The following ATAD1 variants were observed in gnomAD, a reference collection of about 807,000 sequenced individuals.
The protein encoded by ATAD1 is ATPase family AAA domain containing 1.
A neutral mutation model predicts 42.7 loss-of-function variants in ATAD1; 18 were observed. The observed-to-expected ratio is 0.42, with a 90% confidence interval of 0.29 to 0.63. The LOEUF is 0.63. Ranked by LOEUF, ATAD1 falls within the 20% of genes least tolerant of loss-of-function variation. The pLI, the probability that ATAD1 is intolerant of heterozygous loss-of-function variation, is 0.19. For missense variants in ATAD1, 294 were observed against 440.4 expected (o/e 0.67, Z 2.98); for synonymous variants, 132 against 143.1 (o/e 0.92, Z 0.55).
At chr10:87,807,965 T>C (rs1857000586) in intron 2 of ATAD1, among the ~76,000 whole-genome samples, 1 of 152,206 alleles carries the variant, frequency 6.6e-6, no homozygotes, top group Admixed American at 6.5e-5. Flanking sequence ...AAACTTTCAA[T>C]AGTTTTATAA....
chr10:87,805,772 CT>C (rs1040624779), intron 2 of ATAD1, among the ~76,000 whole-genome samples: 86 of 148,902 alleles, frequency 5.8e-4, no homozygotes, highest in African/African-American at 1.7e-3. Flanking sequence ...AACCTTCTCC[CT>C]TTTTTTTTTC....
chr10:87,802,606 G>A (rs1317471925), intron 2 of ATAD1, among the ~76,000 whole-genome samples: 2 of 149,338 alleles, frequency 1.3e-5, no homozygotes, highest in African/African-American at 2.5e-5. Context: ...TCCCGCCACC[G>A]CACTCCAGCC....
chr10:87,811,112 C>T (rs771130169), intron 2 of ATAD1, among the ~76,000 whole-genome samples: 12 of 152,144 alleles, frequency 7.9e-5, no homozygotes, highest in Middle Eastern at 3.2e-3. Context: ...GCGGGCAGAT[C>T]ACTTGAGGTC....
Position 87,788,526 on chromosome 10 carries a change from T to C in ATAD1, c.382+1784A>G, listed in dbSNP as rs544371905. Among the ~76,000 whole-genome samples the C allele has an allele frequency of 3.7e-3, 563 of 152,336 alleles. 4 individuals carry two copies. Among genetic ancestry groups the C allele is most frequent in the African/African-American group, 0.01 (417 of 41,572 alleles). ...AGAAAATATTCATGTAACTTTTAAATTGGACAATGCTTTCAAATAAGAAGC... is the reference window on the plus strand; with the variant it reads ...AGAAAATATTCATGTAACTTTTAAACTGGACAATGCTTTCAAATAAGAAGC... On this transcript the variant is annotated intron_variant, in intron 4 of 9. Coordinates refer to ENST00000680024, the MANE Select transcript of ATAD1 (RefSeq NM_001321967.2).
chr10:87,780,084 G>A (rs562083897), intron 5 of ATAD1, among the ~76,000 whole-genome samples: 52 of 152,122 alleles, frequency 3.4e-4, no homozygotes, highest in Admixed American at 1.0e-3. Flanking sequence ...ATAGACGAAT[G>A]GAAAAACTAA....
At chr10:87,765,479 C>T (rs1285247287) in intron 8 of ATAD1, among the ~76,000 whole-genome samples, 1 of 100,056 alleles carries the variant, frequency 1.0e-5, no homozygotes, top group African/African-American at 4.2e-5. Flanking sequence ...ATCCAGAAGC[C>T]ATAGGGGGGG....
intron 8 of ATAD1, among the ~76,000 whole-genome samples, chr10:87,759,163 G>C (rs1231739936): frequency 6.6e-6 from 1 of 151,980 alleles, no homozygotes; most frequent in African/African-American, 2.4e-5. Context: ...TTAAGAAACA[G>C]ACACATACAA....
intron 5 of ATAD1, among the ~76,000 whole-genome samples, chr10:87,777,054 C>T (rs1855337544): frequency 1.3e-5 from 2 of 152,050 alleles, no homozygotes; most frequent in Admixed American, 6.6e-5. Flanking sequence ...AATTATTAGG[C>T]AAATTAAAAC....
chr10:87,833,239 A>G (rs1857866667), intron 1 of ATAD1: 1 of 152,214 alleles, frequency 6.6e-6, no homozygotes, highest in Non-Finnish European at 1.5e-5. Context: ...TTTTGGAGCT[A>G]TTGTAAATGG....
At chr10:87,775,515 A>T (rs1225890775) in intron 6 of ATAD1, among the ~76,000 whole-genome samples, 6 of 44,494 alleles carry the variant, frequency 1.3e-4, no homozygotes, top group South Asian at 9.6e-4. Context: ...GTGATTCATT[A>T]AAAAAAAAAA....
intron 5 of ATAD1, among the ~76,000 whole-genome samples, chr10:87,778,178 T>TAAAAAAAAAAA (rs377243162): frequency 2.8e-4 from 25 of 88,670 alleles, no homozygotes; most frequent in Middle Eastern, 8.3e-3. Flanking sequence ...TAGAATAAAT[T>TAAAAAAAAAAA]AAAAAAAAAA....
At chr10:87,804,639 G>C (rs1856842320) in intron 2 of ATAD1, among the ~76,000 whole-genome samples, 1 of 151,938 alleles carries the variant, frequency 6.6e-6, no homozygotes, top group Admixed American at 6.5e-5. Flanking sequence ...CAAAGTGCTG[G>C]GATTACAGGT....
intron 9 of ATAD1, among the ~76,000 whole-genome samples, chr10:87,756,427 T>G (rs750960663): frequency 2.0e-5 from 3 of 152,214 alleles, no homozygotes; most frequent in Non-Finnish European, 4.4e-5. Context: ...ATTGCTGCAG[T>G]GATAAATGGT....
At chr10:87,798,732 C>G (rs1040776317) in intron 2 of ATAD1, among the ~76,000 whole-genome samples, 1 of 151,712 alleles carries the variant, frequency 6.6e-6, no homozygotes, top group South Asian at 2.1e-4. Context: ...CCTCTTAGCA[C>G]ACTAGACGTT....
intron 3 of ATAD1, 115 bp downstream of exon 3, chr10:87,792,542 T>A: frequency 1.4e-6 from 1 of 711,848 alleles, no homozygotes; most frequent in Non-Finnish European, 2.4e-6. Context: ...CCGAGTCTTA[T>A]GATTCAGCCT....
chr10:87,792,586 A>T, intron 3 of ATAD1, 71 bp downstream of exon 3: 1 of 1,146,116 alleles, frequency 8.7e-7, no homozygotes, highest in Non-Finnish European at 1.3e-6. Context: ...GATCTTTAAG[A>T]CCCCTGACAC....
intron 1 of ATAD1, among the ~76,000 whole-genome samples, chr10:87,824,635 C>T (rs535366962): frequency 2.6e-5 from 4 of 152,286 alleles, no homozygotes; most frequent in South Asian, 2.1e-4. Context: ...TTTCATTATA[C>T]GATGAGGTGA....
chr10:87,776,855 C>T (rs1011587308), intron 5 of ATAD1, among the ~76,000 whole-genome samples: 1 of 151,956 alleles, frequency 6.6e-6, no homozygotes. Flanking sequence ...ATTCTAATTA[C>T]CCTGGTCTGA....
At chr10:87,759,015 T>C (rs892877000) in intron 8 of ATAD1, among the ~76,000 whole-genome samples, 2 of 152,154 alleles carry the variant, frequency 1.3e-5, no homozygotes, top group Non-Finnish European at 2.9e-5. Flanking sequence ...AATATTTTCA[T>C]TGTGGCTTGT....
Sources: gnomAD v4.1 joint callset for allele counts (sites outside exome capture counted in the v4.1 genomes callset) on GRCh38, gnomAD v4.1.1 for gene constraint, MANE v1.5 for transcripts, NCBI Gene and HGNC (gene_info 2026-07-23, HGNC 2026-07-21) for gene names.